The following TSC22D1 variants were observed in gnomAD, a reference collection of about 807,000 sequenced individuals.
The protein encoded by TSC22D1 is TSC22 domain family protein 1.
In TSC22D1, 9 loss-of-function variants were observed where a neutral mutation model predicts 74.2. The observed-to-expected ratio is 0.12, with a 90% CI of 0.07 to 0.21. The LOEUF (loss-of-function observed/expected upper bound fraction) is 0.21. Among genes scored for constraint, TSC22D1 ranks in the 10% least tolerant of loss-of-function variants. The probability of loss-of-function intolerance (pLI) is 1.00; values close to 1 mark genes in which losing one functional copy is unlikely to be tolerated. For missense variants in TSC22D1, 1,427 were observed against 1,304.7 expected, an observed-to-expected ratio of 1.09 and a Z score of -1.44; for synonymous variants, 586 against 492.5, an observed-to-expected ratio of 1.19 and a Z score of -2.51.
chr13:44,465,426 C>A (rs1877220790), intron 1 of TSC22D1, among the ~76,000 whole-genome samples: 1 of 152,156 alleles, frequency 6.6e-6, no homozygotes, highest in Non-Finnish European at 1.5e-5. Context: ...GGTTCTCAAC[C>A]TTGGATGAAC....
At chr13:44,515,315 A>G (rs192070713) in intron 1 of TSC22D1, among the ~76,000 whole-genome samples, 1 of 151,802 alleles carries the variant, frequency 6.6e-6, no homozygotes, top group Non-Finnish European at 1.5e-5. Flanking sequence ...TTTTTTTTTT[A>G]AAAAGAATAA....
intron 1 of TSC22D1, among the ~76,000 whole-genome samples, chr13:44,467,433 A>G (rs2137897024): frequency 6.6e-6 from 1 of 152,358 alleles, no homozygotes; most frequent in East Asian, 1.9e-4. Flanking sequence ...CTGCACAGCA[A>G]AAGAAATAAC....
At chr13:44,564,775 T>A (rs1001337776) in intron 1 of TSC22D1, among the ~76,000 whole-genome samples, 21 of 152,102 alleles carry the variant, frequency 1.4e-4, no homozygotes, top group Admixed American at 2.6e-4. Flanking sequence ...ACAAGACATA[T>A]GCAGGAGGCT....
intron 1 of TSC22D1, among the ~76,000 whole-genome samples, chr13:44,519,344 G>C (rs1029025294): frequency 1.2e-4 from 19 of 152,038 alleles, no homozygotes; most frequent in African/African-American, 4.6e-4. Context: ...ATGCTAATAA[G>C]CAATGGCAAA....
chr13:44,524,044 GCAT>G (rs2138047800), intron 1 of TSC22D1, among the ~76,000 whole-genome samples: 2 of 152,188 alleles, frequency 1.3e-5, no homozygotes, highest in South Asian at 4.1e-4. Context: ...TATTTCCAGT[GCAT>G]GAAATACTAT....
chr13:44,497,901 C>G (rs1399314761), intron 1 of TSC22D1, among the ~76,000 whole-genome samples: 1 of 152,086 alleles, frequency 6.6e-6, no homozygotes, highest in Non-Finnish European at 1.5e-5. Flanking sequence ...AAAATCTTTC[C>G]TTGTTCCCTG....
At chr13:44,562,185 G>A (rs1462898169) in intron 1 of TSC22D1, among the ~76,000 whole-genome samples, 3 of 152,004 alleles carry the variant, frequency 2.0e-5, no homozygotes, top group Non-Finnish European at 4.4e-5. Context: ...GACAACAGGC[G>A]TGCACGCCAC....
At chr13:44,450,010 G>C (rs534204089) in intron 1 of TSC22D1, among the ~76,000 whole-genome samples, 1 of 152,282 alleles carries the variant, frequency 6.6e-6, no homozygotes, top group African/African-American at 2.4e-5. Flanking sequence ...GGGGCAAGGG[G>C]AGAAAGACGT....
At chr13:44,459,332 C>A (rs574714997) in intron 1 of TSC22D1, among the ~76,000 whole-genome samples, 59 of 152,332 alleles carry the variant, frequency 3.9e-4, no homozygotes, top group Non-Finnish European at 6.3e-4. Context: ...CCAGGATGAC[C>A]TGCCTGTGGA....
chr13:44,564,523 T>C (rs947598933), intron 1 of TSC22D1, among the ~76,000 whole-genome samples: 1 of 152,156 alleles, frequency 6.6e-6, no homozygotes, highest in Non-Finnish European at 1.5e-5. Flanking sequence ...AATAACAGCA[T>C]GTGCAAAGGC....
chr13:44,447,985 AAT>A (rs1875826221), intron 1 of TSC22D1, among the ~76,000 whole-genome samples: 1 of 151,964 alleles, frequency 6.6e-6, no homozygotes, highest in Admixed American at 6.6e-5. Flanking sequence ...TCTTCATGAA[AAT>A]AATAAGCATT....
chr13:44,443,298 T>A (rs1875358320), intron 1 of TSC22D1, among the ~76,000 whole-genome samples: 1 of 147,194 alleles, frequency 6.8e-6, no homozygotes, highest in African/African-American at 2.6e-5. Context: ...CAGCAACATC[T>A]TTAACTGAAA....
intron 1 of TSC22D1, among the ~76,000 whole-genome samples, chr13:44,521,391 T>C (rs970091670): frequency 6.6e-6 from 1 of 152,102 alleles, no homozygotes; most frequent in Non-Finnish European, 1.5e-5. Context: ...TTTTTTTAAA[T>C]TAAATACAGC....
At chr13:44,569,046 TACAG>T (rs1883569356) in intron 1 of TSC22D1, among the ~76,000 whole-genome samples, 1 of 152,160 alleles carries the variant, frequency 6.6e-6, no homozygotes, top group Non-Finnish European at 1.5e-5. Context: ...AGGAAGTTAA[TACAG>T]ACAAAAAGAA....
At chr13:44,560,182 C>T (rs572964561) in intron 1 of TSC22D1, among the ~76,000 whole-genome samples, 7 of 152,044 alleles carry the variant, frequency 4.6e-5, no homozygotes, top group Non-Finnish European at 1.0e-4. Flanking sequence ...GTAATCCCAG[C>T]ACTTTGAGAG....
rs773072144 is a variant in TSC22D1, at chr13:44,575,996, T to C, written c.79A>G (p.Met27Val). ...CTACCGCTGCCCCTTCGAGGGAACA[T>C]TGCCGGGTGCGCCATCTTCCTAGCG... is the stretch of plus-strand genomic sequence containing the variant. ...ISARKMAHPA[M>V]FPRRGSGSGS... Residue 27 changes from methionine (M) to valine (V), a missense_variant, in exon 1 of 3, where the codon ATG becomes GTG. Physicochemically the swap from Met to Val is conservative, Grantham distance 21. This residue lies in a region of TSC22D1 where 1,343 missense variants were observed against 1,191.5 expected (regional missense o/e 1.13). Coordinates refer to ENST00000458659, the MANE Select transcript of TSC22D1 (RefSeq NM_183422.4). 5.7e-5 allele frequency: 91 copies of C among 1,595,032 alleles called. No individual in the cohort carries two copies. The highest frequency in any genetic ancestry group is 4.8e-4 in the African/African-American group (36 of 74,554).
chr13:44,435,704 A>C, intron 2 of TSC22D1: 1 of 343,572 alleles, frequency 2.9e-6, no homozygotes, highest in Non-Finnish European at 5.4e-6. Flanking sequence ...ATTCCTAGTA[A>C]AGCCACATCG....
In TSC22D1 at chr13:44,534,082, G is replaced by T. The variant is rs1007677625; in HGVS notation, c.2912+39081C>A. Among the ~76,000 whole-genome samples, 28 of 151,992 alleles carry T rather than the reference G, an allele frequency of 1.8e-4. 1 individual carries two copies. Among genetic ancestry groups the T allele is most frequent in the Non-Finnish European group, 4.4e-5 (3 of 67,984 alleles). ...TCTCTGCAAAAACATACAAAAATTAGCTGGGTATGGTGGTGCATACCTATA... is the reference window on the plus strand; with the variant it reads ...TCTCTGCAAAAACATACAAAAATTATCTGGGTATGGTGGTGCATACCTATA... On this transcript the variant is annotated intron_variant, in intron 1 of 2. Coordinates refer to ENST00000458659, the MANE Select transcript of TSC22D1 (RefSeq NM_183422.4).
chr13:44,529,663 T>C (rs76133076), intron 1 of TSC22D1, among the ~76,000 whole-genome samples: 1 of 152,110 alleles, frequency 6.6e-6, no homozygotes, highest in African/African-American at 2.4e-5. Context: ...GCAGATGATA[T>C]GATTGTGTAT....
Sources: allele counts gnomAD v4.1 joint callset (sites outside exome capture counted in the v4.1 genomes callset), GRCh38; gene constraint gnomAD v4.1.1; regional missense constraint gnomAD v4.1.1; transcripts MANE v1.5; gene names NCBI Gene and HGNC (gene_info 2026-07-23, HGNC 2026-07-21).